The following RECQL5 variants were observed in gnomAD, a reference collection of about 807,000 sequenced individuals.
RECQL5 encodes the protein RecQ like helicase 5, also known as ATP-dependent DNA helicase Q5.
In RECQL5, 88 loss-of-function variants were observed where a neutral mutation model predicts 103.4. The ratio of observed to expected loss-of-function variants is 0.85; its 90% CI spans 0.72 to 1.02. The LOEUF is 1.02. Ranked by LOEUF, RECQL5 falls within the 50% of genes least tolerant of loss-of-function variation. The pLI is 0.00. For missense variants in RECQL5, 1,232 were observed against 1,284.3 expected, an observed-to-expected ratio of 0.96 and a Z score of 0.62; for synonymous variants, 552 against 507.9, an observed-to-expected ratio of 1.09 and a Z score of -1.17.
chr17:75,635,685 CCTT>C (rs2148262884), intron 8 of RECQL5: 2 of 616,708 alleles, frequency 3.2e-6, no homozygotes, highest in Middle Eastern at 8.2e-4. Context: ...AGTTATGCCT[CCTT>C]CTAGGTGGAC....
At chr17:75,654,191 T>C (rs1052993037) in intron 7 of RECQL5, among the ~76,000 whole-genome samples, 4 of 152,250 alleles carry the variant, frequency 2.6e-5, no homozygotes, top group Admixed American at 2.6e-4. Flanking sequence ...TAACTGTGTT[T>C]CCCCTGAAAT....
At chr17:75,633,027 C>G (rs1343780638) in intron 8 of RECQL5, among the ~76,000 whole-genome samples, 1 of 152,250 alleles carries the variant, frequency 6.6e-6, no homozygotes, top group Non-Finnish European at 1.5e-5. Context: ...GCCTGGCTGA[C>G]TTTCTTTTAG....
intron 8 of RECQL5, chr17:75,633,475 G>A (rs764874216): frequency 7.0e-6 from 9 of 1,289,094 alleles, no homozygotes; most frequent in Non-Finnish European, 8.1e-6. Context: ...AGGAACATGA[G>A]GCGCCTTGCC....
At chr17:75,641,850 G>A (rs963341707) in intron 8 of RECQL5, among the ~76,000 whole-genome samples, 1 of 152,130 alleles carries the variant, frequency 6.6e-6, no homozygotes, top group African/African-American at 2.4e-5. Flanking sequence ...TGCTGTCTGG[G>A]CTCACACCCT....
chr17:75,661,847 G>A (rs1197783604), intron 4 of RECQL5, 139 bp from the exon 5 acceptor site: 2 of 618,734 alleles, frequency 3.2e-6, no homozygotes, highest in African/African-American at 1.8e-5. Context: ...GACACCCAGT[G>A]AGGCTCTGTC....
At chr17:75,655,213 A>T (rs1453461052) in intron 7 of RECQL5, among the ~76,000 whole-genome samples, 1 of 152,236 alleles carries the variant, frequency 6.6e-6, no homozygotes, top group African/African-American at 2.4e-5. Flanking sequence ...CTGGGATTAC[A>T]GGAGCCCGCC....
intron 2 of RECQL5, 121 bp from the exon 3 acceptor site, chr17:75,665,293 G>C (rs964150094): frequency 1.2e-6 from 1 of 852,154 alleles, no homozygotes; most frequent in South Asian, 1.6e-5. Context: ...GGAGGGTCTC[G>C]ATGTAATCCT....
In RECQL5 at chr17:75,627,498, A is replaced by T; in HGVS notation, c.2900T>A (p.Ile967Asn). 6.2e-7 allele frequency: 1 copy of T among 1,613,900 alleles called. No individual in the cohort carries two copies. The highest frequency in any genetic ancestry group is 8.5e-7 in the Non-Finnish European group (1 of 1,180,004). ...RSVKEEAQNL[I>N]RHFFHGRARC... is the part of the protein sequence containing the mutation. The stretch of plus-strand genomic sequence containing the variant: ...GGCCCGGCCATGGAAGAAGTGCCTG[A>T]TGAGGTTCTGGGCCTCTTCTTTCAC... Residue 967 changes from isoleucine (I) to asparagine (N), a missense_variant, in exon 20 of 20, where the codon ATC becomes AAC. Ile to Asn is a moderately radical substitution (Grantham distance 149). Coordinates refer to ENST00000317905, the MANE Select transcript of RECQL5 (RefSeq NM_004259.7).
rs2059257946 is a variant in RECQL5, at chr17:75,633,396, CTG to C, written c.1230-1730_1230-1729del. On this transcript the variant is annotated intron_variant, in intron 8 of 19. Transcript: ENST00000317905. ...TGTCACAGGGCCCGGCCCCTGGACT[CTG>C]GAGCCCTGCCCTGACAGCTGGGCCA... 3 of 1,274,532 alleles carry C rather than the reference CTG, an allele frequency of 2.4e-6. No individual in the cohort carries two copies. The Admixed American group carries it at 7.1e-5, about 30-fold the overall frequency. 79.0% of individuals were successfully genotyped at this position (1,274,532 alleles called of 1,614,324 possible).
At chr17:75,659,181 C>T (rs1183538053) in intron 6 of RECQL5, among the ~76,000 whole-genome samples, 4 of 152,146 alleles carry the variant, frequency 2.6e-5, no homozygotes, top group Non-Finnish European at 5.9e-5. Context: ...CCTGCCTCAG[C>T]CTCCTGAGTA....
intron 8 of RECQL5, chr17:75,649,600 G>A (rs1051944072): frequency 4.7e-5 from 46 of 984,414 alleles, no homozygotes; most frequent in Middle Eastern, 1.0e-3. Flanking sequence ...AGCCTCCAAT[G>A]AGAACTATTC....
chr17:75,641,702 C>CT (rs1168429987), intron 8 of RECQL5, among the ~76,000 whole-genome samples: 1 of 152,238 alleles, frequency 6.6e-6, no homozygotes, highest in Non-Finnish European at 1.5e-5. Context: ...GCACTTTACT[C>CT]TGTCAACTGC....
rs533692268 is a variant in RECQL5 at position 75,629,438 on chromosome 17, C to A, written c.1985G>T (p.Gly662Val). The A allele has an allele frequency of 1.9e-5, 29 of 1,504,840 alleles. No homozygotes were observed. The African/African-American group carries it at 3.5e-4, about 18-fold the overall frequency. The allele number at this position is 1,504,840 out of a possible 1,614,324, so 93.2% of individuals were successfully genotyped here. A position where few individuals can be genotyped will look rare whatever the true frequency, so the allele number is the denominator to read the frequency against. ...CGTGGCCGTCTGGAACGGGCAGGAG[C>A]CTTTGGGGAAACCAGCTCCCACCCG... is the stretch of plus-strand genomic sequence containing the variant. The part of the protein sequence containing the change: ...PKRVGAGFPK[G>V]SCPFQTATEL... The change falls in exon 16 of 20, where the codon GGC (glycine) becomes GTC (valine). Residue 662 changes from glycine to valine, a missense_variant. Gly to Val is a moderately radical substitution (Grantham distance 109, BLOSUM62 -3). Coordinates refer to ENST00000317905, the MANE Select transcript of RECQL5 (RefSeq NM_004259.7).
Position 75,662,813 on chromosome 17 carries a change from A to G in RECQL5, c.437T>C (p.Val146Ala), listed in dbSNP as rs774287498. 1 of 1,614,146 alleles carries G rather than the reference A, an allele frequency of 6.2e-7. No homozygotes were observed. Reference protein sequence around the residue: ...SSFQPTLNSLVSRHLLSYLVV... With the variant: ...SSFQPTLNSLASRHLLSYLVV... Reference sequence around the variant, plus strand: ...CAAGTAAGACAGCAGGTGGCGGGACACCAGGGAGTTCAGGGTGGGCTGGAA... The same window carrying G: ...CAAGTAAGACAGCAGGTGGCGGGACGCCAGGGAGTTCAGGGTGGGCTGGAA... Residue 146 changes from valine to alanine, a missense_variant, in exon 4 of 20, where the codon GTG becomes GCG. By Grantham distance (64) the Val-to-Ala change is moderately conservative. Coordinates refer to ENST00000317905, the MANE Select transcript of RECQL5 (RefSeq NM_004259.7).
Position 75,640,780 on chromosome 17 carries a change from C to G in RECQL5, c.1230-9112G>C. ...CCAACCTGAGTCCCGTGCTCTCTCCCGGCCCTCCAGCTACTGTTCTGCTGT... is the reference window on the plus strand; with the variant it reads ...CCAACCTGAGTCCCGTGCTCTCTCCGGGCCCTCCAGCTACTGTTCTGCTGT... On this transcript the variant is annotated intron_variant, in intron 8 of 19. Transcript: ENST00000317905. The surrounding 1 kb of genome is among the most constrained non-coding windows in gnomAD (Gnocchi z 4.6). 5 of 1,549,396 alleles carry G rather than the reference C, an allele frequency of 3.2e-6. No homozygotes were observed. The South Asian group carries it at 3.6e-5, about 11-fold the overall frequency.
intron 8 of RECQL5, chr17:75,633,333 C>T: frequency 1.1e-6 from 1 of 900,482 alleles, no homozygotes; most frequent in Non-Finnish European, 1.5e-6. Context: ...GGTTTCTCTC[C>T]ACACAGCCTA....
chr17:75,658,815 G>A (rs989615827), intron 6 of RECQL5, among the ~76,000 whole-genome samples: 8 of 152,078 alleles, frequency 5.3e-5, no homozygotes, highest in African/African-American at 1.9e-4. Flanking sequence ...CTTTGGAGAG[G>A]GAAAGGAATA....
intron 7 of RECQL5, among the ~76,000 whole-genome samples, chr17:75,657,810 G>T (rs1375396890): frequency 6.6e-6 from 1 of 151,490 alleles, no homozygotes; most frequent in Non-Finnish European, 1.5e-5. Flanking sequence ...AACACTTTGG[G>T]AGGCCGAGGC....
Position 75,628,276 on chromosome 17 carries a change from G to A in RECQL5, c.2747C>T (p.Ala916Val). 6.2e-7 allele frequency: 1 copy of A among 1,614,138 alleles called. No individual in the cohort carries two copies. Among genetic ancestry groups the A allele is most frequent in the Non-Finnish European group, 8.5e-7 (1 of 1,180,022 alleles). The change falls in exon 18 of 20, where the codon GCA (alanine) becomes GTA (valine). Residue 916 changes from alanine (A) to valine (V), a missense_variant. Coordinates refer to ENST00000317905, the MANE Select transcript of RECQL5 (RefSeq NM_004259.7). ...SAPGVSLKEA[A>V]NVVVKCLTPF... is the part of the protein sequence containing the mutation. The stretch of plus-strand genomic sequence containing the variant: ...GGTGAGGCACTTGACCACAACATTT[G>A]CAGCCTCCTTCAAGGAGACGCCAGG...
Sources: gnomAD v4.1 joint callset for allele counts (sites outside exome capture counted in the v4.1 genomes callset) on GRCh38, gnomAD v4.1.1 for gene constraint, Gnocchi (gnomAD v3.1) non-coding constraint, MANE v1.5 for transcripts, NCBI Gene and HGNC (gene_info 2026-07-23, HGNC 2026-07-21) for gene names.